The following KCNJ3 variants were observed in gnomAD, a reference collection of about 807,000 sequenced individuals.
The protein encoded by KCNJ3 is G protein-activated inward rectifier potassium channel 1.
In KCNJ3, 4 loss-of-function variants were observed where a neutral mutation model predicts 39.2. The observed-to-expected ratio is 0.10, with a 90% CI of 0.05 to 0.23. The LOEUF is 0.23. Among genes scored for constraint, KCNJ3 ranks in the 10% least tolerant of loss-of-function variants. The pLI is 1.00. For synonymous variants in KCNJ3, 230 were observed against 237.4 expected, an observed-to-expected ratio of 0.97 and a Z score of 0.29; for missense variants, 276 against 634.9, an observed-to-expected ratio of 0.43 and a Z score of 6.08.
chr2:154,842,826 A>T (rs931786248), intron 2 of KCNJ3, among the ~76,000 whole-genome samples: 1 of 151,874 alleles, frequency 6.6e-6, no homozygotes, highest in Admixed American at 6.6e-5. Flanking sequence ...TTTGGAGCCT[A>T]TGTGCGTCTT....
At chr2:154,757,924 A>G (rs1258604942) in intron 2 of KCNJ3, among the ~76,000 whole-genome samples, 2 of 152,156 alleles carry the variant, frequency 1.3e-5, no homozygotes, top group African/African-American at 4.8e-5. Context: ...ACCTCCTAAT[A>G]CAATCAAATT....
At chr2:154,703,804 A>G (rs1328740688) in intron 1 of KCNJ3, among the ~76,000 whole-genome samples, 4 of 152,114 alleles carry the variant, frequency 2.6e-5, no homozygotes, top group Non-Finnish European at 5.9e-5. Context: ...GGCCAATTTG[A>G]ACTTTATTTT....
rs1231162129 is a variant in KCNJ3, at chr2:154,699,670, C to T, written c.702+193C>T. The T allele has an allele frequency of 3.2e-6, 1 of 308,102 alleles. No individual in the cohort carries two copies. Among genetic ancestry groups the T allele is most frequent in the Admixed American group, 6.5e-5 (1 of 15,418 alleles). 19.1% of individuals were successfully genotyped at this position (308,102 alleles called of 1,614,324 possible). ...GACAGTTCTGTTCCTTTTCCACTCA[C>T]TCTCGTGCTCTTGTTTATATTCGTC... On this transcript the variant is annotated intron_variant, in intron 1 of 2. Transcript: ENST00000295101. The surrounding 1 kb of genome is among the most constrained non-coding windows in gnomAD (Gnocchi z 6.4).
intron 2 of KCNJ3, among the ~76,000 whole-genome samples, chr2:154,749,250 A>G (rs560870033): frequency 6.6e-6 from 1 of 152,224 alleles, no homozygotes; most frequent in South Asian, 2.1e-4. Context: ...TTTAGATGAT[A>G]CCAAGAGACC....
intron 2 of KCNJ3, among the ~76,000 whole-genome samples, chr2:154,723,865 T>C (rs1300181559): frequency 6.6e-6 from 1 of 152,160 alleles, no homozygotes; most frequent in Non-Finnish European, 1.5e-5. Context: ...CTTTTAAAAA[T>C]CCTTCAGAGT....
intron 2 of KCNJ3, among the ~76,000 whole-genome samples, chr2:154,779,671 G>A (rs1686401538): frequency 6.6e-6 from 1 of 151,468 alleles, no homozygotes; most frequent in Non-Finnish European, 1.5e-5. Context: ...AGCCTCCCGA[G>A]TAGCTGGGGC....
At chr2:154,854,082 C>A (rs1028984491) in intron 2 of KCNJ3, among the ~76,000 whole-genome samples, 1 of 152,150 alleles carries the variant, frequency 6.6e-6, no homozygotes, top group Non-Finnish European at 1.5e-5. Context: ...TTAACAAATA[C>A]TTGGGAGAGT....
intron 2 of KCNJ3, among the ~76,000 whole-genome samples, chr2:154,807,638 A>G (rs1334506044): frequency 6.6e-6 from 1 of 152,190 alleles, no homozygotes; most frequent in Non-Finnish European, 1.5e-5. Flanking sequence ...AGGTGGTGAC[A>G]GGTGTTTTAC....
At chr2:154,822,772 C>G (rs1687206149) in intron 2 of KCNJ3, among the ~76,000 whole-genome samples, 1 of 151,384 alleles carries the variant, frequency 6.6e-6, no homozygotes, top group Non-Finnish European at 1.5e-5. Flanking sequence ...CTAAAAGTAC[C>G]AGCAGTTGAA....
intron 2 of KCNJ3, among the ~76,000 whole-genome samples, chr2:154,739,181 G>A (rs1421453056): frequency 6.6e-6 from 1 of 151,982 alleles, no homozygotes. Context: ...GCATGTGGGA[G>A]TATTAACCTA....
At chr2:154,824,318 A>G (rs1687233793) in intron 2 of KCNJ3, among the ~76,000 whole-genome samples, 1 of 152,240 alleles carries the variant, frequency 6.6e-6, no homozygotes. Context: ...TCTGGATGAC[A>G]GAGTGAGATC....
At chr2:154,823,096 G>C (rs1042235633) in intron 2 of KCNJ3, among the ~76,000 whole-genome samples, 1 of 151,854 alleles carries the variant, frequency 6.6e-6, no homozygotes, top group Non-Finnish European at 1.5e-5. Context: ...TGACTACTGG[G>C]AACCGAAACA....
At chr2:154,726,002 A>G (rs1685351776) in intron 2 of KCNJ3, among the ~76,000 whole-genome samples, 1 of 152,204 alleles carries the variant, frequency 6.6e-6, no homozygotes, top group African/African-American at 2.4e-5. Flanking sequence ...GAAACCATAA[A>G]AATTCTAGAA....
intron 2 of KCNJ3, among the ~76,000 whole-genome samples, chr2:154,759,590 G>C (rs1169836578): frequency 6.6e-6 from 1 of 151,848 alleles, no homozygotes; most frequent in Non-Finnish European, 1.5e-5. Flanking sequence ...TAGATAGATA[G>C]AGATACATAT....
chr2:154,722,082 T>C (rs191191775), intron 2 of KCNJ3, among the ~76,000 whole-genome samples: 31 of 152,276 alleles, frequency 2.0e-4, no homozygotes, highest in African/African-American at 5.3e-4. Flanking sequence ...GGCAAGTCAA[T>C]AGATTTTTGT....
At chr2:154,716,266 C>T (rs922914946) in intron 2 of KCNJ3, among the ~76,000 whole-genome samples, 1 of 137,334 alleles carries the variant, frequency 7.3e-6, no homozygotes, top group Admixed American at 8.2e-5. Context: ...CCTGCCACCA[C>T]GGCCGGCTAA....
At chr2:154,725,187 A>G (rs1186284796) in intron 2 of KCNJ3, among the ~76,000 whole-genome samples, 1 of 150,650 alleles carries the variant, frequency 6.6e-6, no homozygotes, top group Admixed American at 6.6e-5. Context: ...TTTTGATCAC[A>G]TTCCCACCTT....
intron 2 of KCNJ3, among the ~76,000 whole-genome samples, chr2:154,727,687 T>C (rs1039171901): frequency 3.3e-5 from 5 of 151,642 alleles, no homozygotes; most frequent in African/African-American, 1.2e-4. Context: ...AGGTTCAATA[T>C]GATTTCTCAC....
intron 2 of KCNJ3, among the ~76,000 whole-genome samples, chr2:154,747,907 AC>A (rs1410123282): frequency 1.3e-5 from 2 of 151,924 alleles, no homozygotes; most frequent in Non-Finnish European, 2.9e-5. Context: ...TTTTTGGTCA[AC>A]TGCATGGGCT....
Sources: allele counts gnomAD v4.1 joint callset (sites outside exome capture counted in the v4.1 genomes callset), GRCh38; gene constraint gnomAD v4.1.1; non-coding constraint Gnocchi (gnomAD v3.1); transcripts MANE v1.5; gene names NCBI Gene and HGNC (gene_info 2026-07-23, HGNC 2026-07-21).